Variants in KHDRBS2 observed in about 807,000 individuals in gnomAD.
KHDRBS2 encodes KH domain-containing, RNA-binding, signal transduction-associated protein 2.
KHDRBS2 carries 26 observed loss-of-function variants against 44.3 expected under a neutral mutation model. The observed-to-expected ratio is 0.59, with a 90% CI of 0.43 to 0.81. KHDRBS2 has a LOEUF of 0.81. Among genes scored for constraint, KHDRBS2 ranks in the 40% least tolerant of loss-of-function variants. KHDRBS2 has a pLI of 0.00. For missense variants in KHDRBS2, 476 were observed against 433.1 expected (o/e 1.10, Z -0.88); for synonymous variants, 194 against 151.1 (o/e 1.28, Z -2.08).
the KHDRBS2 span, among the ~76,000 whole-genome samples, chr6:61,602,518 G>T: frequency 2.0e-5 from 3 of 152,130 alleles, no homozygotes; most frequent in African/African-American, 7.2e-5. Context: ...CTGGAACTCT[G>T]GCCCAAGGCT....
chr6:61,722,472 A>T (rs2127556096), intron 7 of KHDRBS2, among the ~76,000 whole-genome samples: 1 of 152,296 alleles, frequency 6.6e-6, no homozygotes, highest in South Asian at 2.1e-4. Context: ...CCATTTAGGC[A>T]TCTTCCAGAT....
intron 6 of KHDRBS2, among the ~76,000 whole-genome samples, chr6:61,848,486 T>C (rs937280104): frequency 2.2e-4 from 10 of 45,808 alleles, no homozygotes; most frequent in Middle Eastern, 0.01. Context: ...TATATATATA[T>C]ATATGTATAT....
At chr6:62,064,706 A>G (rs1793073735) in intron 2 of KHDRBS2, among the ~76,000 whole-genome samples, 2 of 152,102 alleles carry the variant, frequency 1.3e-5, no homozygotes, top group African/African-American at 4.8e-5. Context: ...ATTACCATTC[A>G]GGTCACAGGC....
chr6:62,244,230 A>G (rs1423922430), intron 1 of KHDRBS2, among the ~76,000 whole-genome samples: 1 of 152,176 alleles, frequency 6.6e-6, no homozygotes. Flanking sequence ...GCTATCATAA[A>G]TAAAACCTGA....
chr6:61,732,711 A>G lies in KHDRBS2; in HGVS notation c.864T>C (p.Tyr288=), dbSNP rs552354916. 30 of 1,611,634 alleles carry G rather than the reference A, an allele frequency of 1.9e-5. No individual in the cohort carries two copies. Among genetic ancestry groups the G allele is most frequent in the African/African-American group, 1.7e-4 (13 of 74,734 alleles). ...GEYDDQTYET[Y]DNSYATQTQS... is the part of the protein sequence containing the mutation. ...GTGTTTGGGTCGCATAGCTGTTATC[A>G]TAAGTCTCATAGGTCTGGTCATCAT... is the stretch of plus-strand genomic sequence containing the variant. Residue 288 remains tyrosine (Y), a synonymous_variant, in exon 7 of 9, where the codon TAT becomes TAC. Transcript: ENST00000281156.
At chr6:61,791,627 G>A (rs560681184) in intron 6 of KHDRBS2, among the ~76,000 whole-genome samples, 140 of 151,390 alleles carry the variant, frequency 9.2e-4, no homozygotes, top group African/African-American at 3.1e-3. Flanking sequence ...GAACGCATGC[G>A]CTTGAAAAGA....
At chr6:61,582,433 G>A in the KHDRBS2 span, among the ~76,000 whole-genome samples, 1 of 151,626 alleles carries the variant, frequency 6.6e-6, no homozygotes, top group East Asian at 1.9e-4. Flanking sequence ...TCAGAATAAA[G>A]TATAATGCCA....
intron 6 of KHDRBS2, among the ~76,000 whole-genome samples, chr6:61,781,217 A>G (rs530956893): frequency 4.3e-4 from 66 of 152,294 alleles, no homozygotes; most frequent in African/African-American, 1.5e-3. Context: ...AATCATTTTA[A>G]GACAGATGTG....
At chr6:61,597,759 C>CAT in the KHDRBS2 span, among the ~76,000 whole-genome samples, 66 of 50,108 alleles carry the variant, frequency 1.3e-3, 9 homozygotes, top group East Asian at 0.019. Flanking sequence ...TATATATATA[C>CAT]ATATATATAT....
chr6:61,724,261 A>AATGTGGAGG (rs1278992545), intron 7 of KHDRBS2, among the ~76,000 whole-genome samples: 1 of 152,132 alleles, frequency 6.6e-6, no homozygotes, highest in Non-Finnish European at 1.5e-5. Context: ...CAGACAAGCA[A>AATGTGGAGG]ATGTGGAGGG....
the KHDRBS2 span, among the ~76,000 whole-genome samples, chr6:61,550,715 A>AT: frequency 1.8e-4 from 24 of 131,906 alleles, no homozygotes; most frequent in South Asian, 7.1e-4. Context: ...TCCAGCACAT[A>AT]TTTTTTTTTT....
At chr6:62,065,836 T>A (rs1317022216) in intron 2 of KHDRBS2, among the ~76,000 whole-genome samples, 1 of 151,542 alleles carries the variant, frequency 6.6e-6, no homozygotes, top group East Asian at 2.0e-4. Context: ...AACTAGAATA[T>A]GCTTATAAAA....
intron 1 of KHDRBS2, among the ~76,000 whole-genome samples, chr6:62,268,141 G>T (rs114178585): frequency 1.1e-3 from 163 of 152,068 alleles, no homozygotes; most frequent in African/African-American, 3.8e-3. Flanking sequence ...TGCAAACAAA[G>T]ATTTTCCACT....
chr6:61,906,592 A>G (rs942410868), intron 4 of KHDRBS2, among the ~76,000 whole-genome samples: 3 of 151,834 alleles, frequency 2.0e-5, no homozygotes, highest in African/African-American at 7.3e-5. Flanking sequence ...ATTCTACTCT[A>G]TCTCCATGAG....
intron 6 of KHDRBS2, among the ~76,000 whole-genome samples, chr6:61,886,820 G>A (rs1801022341): frequency 6.6e-6 from 1 of 152,038 alleles, no homozygotes; most frequent in Non-Finnish European, 1.5e-5. Flanking sequence ...CCACTAGATG[G>A]CATCCTTTTT....
intron 2 of KHDRBS2, among the ~76,000 whole-genome samples, chr6:62,134,569 C>T (rs547766081): frequency 6.6e-6 from 1 of 152,110 alleles, no homozygotes; most frequent in African/African-American, 2.4e-5. Context: ...GTCCAACAGA[C>T]CCTAGAATGG....
the KHDRBS2 span, among the ~76,000 whole-genome samples, chr6:61,586,396 C>A: frequency 2.6e-5 from 4 of 152,072 alleles, no homozygotes; most frequent in African/African-American, 9.7e-5. Flanking sequence ...GGAAGAATAT[C>A]TTCCACGTTT....
intron 1 of KHDRBS2, among the ~76,000 whole-genome samples, chr6:62,217,613 A>G (rs1016772239): frequency 4.0e-5 from 6 of 151,882 alleles, no homozygotes; most frequent in Non-Finnish European, 7.4e-5. Context: ...GCTTACAAAA[A>G]TGACATTTAG....
At chr6:61,874,320 CTCACTTA>C (rs1280222769) in intron 6 of KHDRBS2, among the ~76,000 whole-genome samples, 1 of 152,000 alleles carries the variant, frequency 6.6e-6, no homozygotes, top group Non-Finnish European at 1.5e-5. Context: ...CAAAAAGTAC[CTCACTTA>C]GAACATTTGT....
Sources: allele counts gnomAD v4.1 joint callset (sites outside exome capture counted in the v4.1 genomes callset), GRCh38; gene constraint gnomAD v4.1.1; transcripts MANE v1.5; gene names NCBI Gene and HGNC (gene_info 2026-07-23, HGNC 2026-07-21).